STK3: variants seen among roughly 807,000 people sequenced by gnomAD.
The protein encoded by STK3 is serine/threonine-protein kinase 3.
STK3 carries 41 observed loss-of-function variants against 58.0 expected under a neutral mutation model. That is an observed-to-expected ratio of 0.71 (90% confidence interval 0.55 to 0.92). STK3 has a LOEUF of 0.92. Ranked by LOEUF, STK3 falls within the 40% of genes least tolerant of loss-of-function variation. The pLI is 0.00. For missense variants in STK3, 479 were observed against 602.7 expected (o/e 0.79, Z 2.15); for synonymous variants, 170 against 191.0 (o/e 0.89, Z 0.91).
intron 1 of STK3, among the ~76,000 whole-genome samples, chr8:98,792,011 G>C (rs1436249463): frequency 6.6e-6 from 1 of 152,208 alleles, no homozygotes; most frequent in African/African-American, 2.4e-5. Context: ...ACGGTCAGCA[G>C]AGTAAACAGA....
In STK3 at chr8:98,694,556, T is replaced by C. The variant is rs560622906; in HGVS notation, c.684+11911A>G. Among the ~76,000 whole-genome samples, 19 of 152,296 alleles carry C rather than the reference T, an allele frequency of 1.2e-4. No homozygotes were observed. In the South Asian group the frequency reaches 3.9e-3, roughly 32 times the overall value. ...TGATGTTCCCCTTCCTTTGTCCATATGTTCTCATTGTTCAATTCCCATCTA... is the reference window on the plus strand; with the variant it reads ...TGATGTTCCCCTTCCTTTGTCCATACGTTCTCATTGTTCAATTCCCATCTA... On this transcript the variant is annotated intron_variant, in intron 6 of 10. Transcript: ENST00000419617.
At position 98,937,087 on chromosome 8, in the gene STK3, A is replaced by G. The variant is rs1402995202; in HGVS notation, c.-79+5291T>C. 4.6e-5 allele frequency among the ~76,000 whole-genome samples: 7 copies of G among 152,242 alleles called. No homozygotes were observed. The East Asian group carries it at 1.2e-3, about 25-fold the overall frequency. On this transcript the variant is annotated intron_variant, in intron 1 of 1. Transcript: ENST00000519420. The stretch of plus-strand genomic sequence containing the variant: ...GCTCATCACTTCTTATAAGACCAGT[A>G]TTCTTTGAAACTTTGATCTGAGCTG...
At chr8:98,491,680 A>T (rs1465110243) in intron 10 of STK3, among the ~76,000 whole-genome samples, 1 of 152,174 alleles carries the variant, frequency 6.6e-6, no homozygotes, top group Non-Finnish European at 1.5e-5. Context: ...TCACCTAGGA[A>T]ATTCTAAAAC....
At chr8:98,465,901 T>G (rs1820425895) in intron 10 of STK3, among the ~76,000 whole-genome samples, 1 of 152,200 alleles carries the variant, frequency 6.6e-6, no homozygotes, top group Non-Finnish European at 1.5e-5. Flanking sequence ...CCGTTTCTGG[T>G]AAGTAGCTTT....
At position 98,562,640 on chromosome 8, in the gene STK3, A is replaced by T. The variant is rs147458061; in HGVS notation, c.949-14479T>A. Among the ~76,000 whole-genome samples, 307 of 150,870 alleles carry T rather than the reference A, an allele frequency of 2.0e-3. 3 individuals are homozygous for T. Among genetic ancestry groups the T allele is most frequent in the Non-Finnish European group, 3.7e-3 (249 of 67,678 alleles). On this transcript the variant is annotated intron_variant, in intron 8 of 10. Coordinates refer to ENST00000419617, the MANE Select transcript of STK3 (RefSeq NM_006281.4). ...CATGCGTTTGTCAAAACTTTACATC[A>T]TAAAGAGTGAACCTACTGAGGCAGG... is the stretch of plus-strand genomic sequence containing the variant.
At chr8:98,630,088 T>G (rs1349076681) in intron 6 of STK3, among the ~76,000 whole-genome samples, 1 of 152,134 alleles carries the variant, frequency 6.6e-6, no homozygotes, top group African/African-American at 2.4e-5. Flanking sequence ...TCCCCCATGA[T>G]TTCCCTAGCT....
intron 6 of STK3, among the ~76,000 whole-genome samples, chr8:98,623,848 G>C (rs1818512268): frequency 6.6e-6 from 1 of 152,232 alleles, no homozygotes; most frequent in Admixed American, 6.5e-5. Flanking sequence ...CTGCAAGCCA[G>C]AGGGAGACCT....
At chr8:98,445,010 C>T (rs889917002) in intron 1 of STK3, among the ~76,000 whole-genome samples, 36 of 152,110 alleles carry the variant, frequency 2.4e-4, no homozygotes, top group African/African-American at 8.2e-4. Context: ...TTCTTCTGAG[C>T]AACAGAGTAT....
At chr8:98,552,936 G>C (rs1028057005) in intron 8 of STK3, among the ~76,000 whole-genome samples, 3 of 152,120 alleles carry the variant, frequency 2.0e-5, no homozygotes, top group Non-Finnish European at 4.4e-5. Context: ...TTCCATTTCA[G>C]TTTTTAGGGA....
intron 4 of STK3, among the ~76,000 whole-genome samples, chr8:98,714,168 G>A (rs552978049): frequency 2.0e-4 from 30 of 152,216 alleles, no homozygotes; most frequent in East Asian, 7.7e-4. Context: ...CCCACAGCCA[G>A]TATCATACTG....
At chr8:98,650,329 GT>G (rs771123818) in intron 6 of STK3, among the ~76,000 whole-genome samples, 9 of 152,214 alleles carry the variant, frequency 5.9e-5, no homozygotes, top group Non-Finnish European at 1.2e-4. Context: ...TGTTTAAAAT[GT>G]TTACTTTTGA....
intron 1 of STK3, among the ~76,000 whole-genome samples, chr8:98,893,850 T>C (rs535834742): frequency 2.6e-5 from 4 of 152,340 alleles, no homozygotes; most frequent in African/African-American, 9.6e-5. Flanking sequence ...CCTGGCCAAT[T>C]TGACCAAACT....
intron 7 of STK3, among the ~76,000 whole-genome samples, chr8:98,586,939 T>G (rs1814670149): frequency 2.0e-5 from 3 of 152,078 alleles, no homozygotes; most frequent in Admixed American, 2.0e-4. Flanking sequence ...GGATCGGTGT[T>G]GATATCCCCT....
intron 8 of STK3, among the ~76,000 whole-genome samples, chr8:98,571,913 C>T (rs1424605609): frequency 6.6e-6 from 1 of 152,164 alleles, no homozygotes; most frequent in African/African-American, 2.4e-5. Context: ...AGCAATTCTT[C>T]TAAACTCCTT....
intron 6 of STK3, among the ~76,000 whole-genome samples, chr8:98,620,813 G>C (rs1053026777): frequency 6.6e-6 from 1 of 151,370 alleles, no homozygotes; most frequent in African/African-American, 2.4e-5. Flanking sequence ...AAGACAAAAA[G>C]AGTAGTAAAG....
intron 1 of STK3, among the ~76,000 whole-genome samples, chr8:98,782,928 A>C (rs932141033): frequency 6.6e-6 from 1 of 151,902 alleles, no homozygotes; most frequent in Admixed American, 6.6e-5. Flanking sequence ...AAGGAGAAAC[A>C]TTTTCCAAAT....
At chr8:98,427,220 A>T (rs1234085194) in intron 3 of STK3, 1 of 150,104 alleles carries the variant, frequency 6.7e-6, no homozygotes, top group Admixed American at 6.6e-5. Flanking sequence ...GGGCGCACAC[A>T]CTCGCACCCG....
chr8:98,692,628 T>C (rs1050423431), intron 6 of STK3, among the ~76,000 whole-genome samples: 6 of 152,124 alleles, frequency 3.9e-5, no homozygotes, highest in Admixed American at 3.9e-4. Flanking sequence ...ATTAAAAAAT[T>C]TCTAGAAATA....
intron 1 of STK3, among the ~76,000 whole-genome samples, chr8:98,449,264 C>A (rs367876944): frequency 2.0e-5 from 3 of 152,148 alleles, no homozygotes; most frequent in African/African-American, 4.8e-5. Flanking sequence ...TTGACACTCA[C>A]AAGAACTCTG....
Sources: gnomAD v4.1 joint callset for allele counts (sites outside exome capture counted in the v4.1 genomes callset) on GRCh38, gnomAD v4.1.1 for gene constraint, MANE v1.5 for transcripts, NCBI Gene and HGNC (gene_info 2026-07-23, HGNC 2026-07-21) for gene names.